The following CCDC27 variants were observed in gnomAD, a reference collection of about 807,000 sequenced individuals.
The protein encoded by CCDC27 is coiled-coil domain-containing protein 27.
In CCDC27, 80 loss-of-function variants were observed where a neutral mutation model predicts 80.3. The observed-to-expected ratio is 1.00, with a 90% CI of 0.83 to 1.20. The LOEUF (loss-of-function observed/expected upper bound fraction) is 1.20. Among genes scored for constraint, CCDC27 ranks in the 50% most tolerant of loss-of-function variants. The pLI, the probability that CCDC27 is intolerant of heterozygous loss-of-function variation, is 0.00. For missense variants in CCDC27, 815 were observed against 809.4 expected (o/e 1.01, Z -0.08); for synonymous variants, 342 against 334.3 (o/e 1.02, Z -0.25).
Position 3,762,716 on chromosome 1 carries a change from C to G in CCDC27, c.954+4C>G. 1.3e-6 allele frequency: 2 copies of G among 1,548,030 alleles called. No homozygotes were observed. Among genetic ancestry groups the G allele is most frequent in the Non-Finnish European group, 1.7e-6 (2 of 1,146,090 alleles). On this transcript the variant is annotated splice_donor_region_variant and intron_variant, in intron 6 of 11. Transcript: ENST00000294600. ...GGAGCTGCAGCACTGGTGGCAGGTG[C>G]GGGCCGCCTGGAGAGCAGGCACGCA...
intron 5 of CCDC27, among the ~76,000 whole-genome samples, chr1:3,762,232 C>T (rs545598381): frequency 2.3e-3 from 344 of 152,228 alleles, no homozygotes; most frequent in Middle Eastern, 0.017. Context: ...ACACACAGGG[C>T]GGGGGCAGGG....
At chr1:3,755,672 A>G (rs538197172) in intron 3 of CCDC27, 105 bp downstream of exon 3, 512 of 951,580 alleles carry the variant, frequency 5.4e-4, no homozygotes, top group Non-Finnish European at 7.7e-4. Context: ...CCCTCCCGGG[A>G]CTGTCTGCCT....
chr1:3,753,233 C>A (rs1422022597), intron 1 of CCDC27, among the ~76,000 whole-genome samples: 4 of 152,090 alleles, frequency 2.6e-5, no homozygotes, highest in African/African-American at 7.2e-5. Context: ...ACTGGGGGAG[C>A]CCGAGATGGT....
At chr1:3,759,743 C>G (rs1017657188) in intron 4 of CCDC27, among the ~76,000 whole-genome samples, 3 of 152,208 alleles carry the variant, frequency 2.0e-5, no homozygotes, top group Non-Finnish European at 2.9e-5. Context: ...ACTCCTGCAA[C>G]TCTACCTGTA....
At position 3,768,243 on chromosome 1, in the gene CCDC27, A is replaced by G. The variant is rs1643281075; in HGVS notation, c.1743+798A>G. ...CTCCTGAGTAGCTGGGACCACAGGC[A>G]TGTGCCACCATACCTGGCCAATTTT... is the stretch of plus-strand genomic sequence containing the variant. On this transcript the variant is annotated intron_variant, in intron 10 of 11. Transcript: ENST00000294600. This position sits in a 1 kb window ranked among gnomAD's most constrained non-coding sequence, Gnocchi z 5.6. Among the ~76,000 whole-genome samples, 1 of 152,036 alleles carries G rather than the reference A, an allele frequency of 6.6e-6. No individual in the cohort carries two copies. The highest frequency in any genetic ancestry group is 2.4e-5 in the African/African-American group (1 of 41,392).
rs773950223 is a variant in CCDC27, at chr1:3,752,655, G to A, written c.174G>A (p.Ser58=). Residue 58 remains serine (S), a synonymous_variant, in exon 1 of 12, where the codon TCG becomes TCA. Coordinates refer to ENST00000294600, the MANE Select transcript of CCDC27 (RefSeq NM_152492.3). ...CCAGCCCATCTCAGAGGCACAGTTCGATGTCCAGCTCGATGGCCAGGGCCC... is the reference window on the plus strand; with the variant it reads ...CCAGCCCATCTCAGAGGCACAGTTCAATGTCCAGCTCGATGGCCAGGGCCC... ...KEASPSQRHS[S]MSSSMARALV... 2.5e-6 allele frequency: 4 copies of A among 1,613,960 alleles called. No homozygotes were observed. The highest frequency in any genetic ancestry group is 1.3e-5 in the African/African-American group (1 of 74,950).
In CCDC27 at chr1:3,763,191, G is replaced by C; in HGVS notation, c.1038G>C (p.Glu346Asp). The C allele has an allele frequency of 1.3e-6, 2 of 1,514,814 alleles. No homozygotes were observed. Among genetic ancestry groups the C allele is most frequent in the Non-Finnish European group, 1.8e-6 (2 of 1,128,372 alleles). The allele number at this position is 1,514,814 out of a possible 1,614,324, so 93.8% of individuals were successfully genotyped here. A position where few individuals can be genotyped will look rare whatever the true frequency, so the allele number is the denominator to read the frequency against. The change falls in exon 7 of 12, where the codon GAG becomes GAC. Residue 346 changes from glutamate (E) to aspartate (D), a missense_variant. Glu to Asp is a conservative substitution (Grantham distance 45, BLOSUM62 2). Coordinates refer to ENST00000294600, the MANE Select transcript of CCDC27 (RefSeq NM_152492.3). This position sits in a 1 kb window ranked among gnomAD's most constrained non-coding sequence, Gnocchi z 7.5. ...GGEEDEGLEG[E>D]PDGVEDTGAW... The stretch of plus-strand genomic sequence containing the variant: ...AGGAGGACGAGGGCCTGGAAGGGGA[G>C]CCCGATGGGGTGGAGGACACGGGTG...
At position 3,768,314 on chromosome 1, in the gene CCDC27, C is replaced by A. The variant is rs1482471795; in HGVS notation, c.1743+869C>A. Among the ~76,000 whole-genome samples, 1 of 152,046 alleles carries A rather than the reference C, an allele frequency of 6.6e-6. No homozygotes were observed. The highest frequency in any genetic ancestry group is 1.5e-5 in the Non-Finnish European group (1 of 68,006). Reference sequence around the variant, plus strand: ...GTCTCACTATGCTGTCCAGGCTGGTCTTGAACTCCTGGGCTCCAGCAATCT... The same window carrying A: ...GTCTCACTATGCTGTCCAGGCTGGTATTGAACTCCTGGGCTCCAGCAATCT... On this transcript the variant is annotated intron_variant, in intron 10 of 11. Coordinates refer to ENST00000294600, the MANE Select transcript of CCDC27 (RefSeq NM_152492.3). The surrounding 1 kb of genome is among the most constrained non-coding windows in gnomAD (Gnocchi z 5.6).
In CCDC27 at chr1:3,763,542, C is replaced by A; in HGVS notation, c.1321+68C>A. The stretch of plus-strand genomic sequence containing the variant: ...GTTCCCGGCCCAGGAGCTGGGACGC[C>A]CAGACGCTGCCTGCTCTGGTCAGTG... On this transcript the variant is annotated intron_variant, in intron 7 of 11. Coordinates refer to ENST00000294600, the MANE Select transcript of CCDC27 (RefSeq NM_152492.3). This position sits in a 1 kb window ranked among gnomAD's most constrained non-coding sequence, Gnocchi z 7.5. 1 of 1,547,916 alleles carries A rather than the reference C, an allele frequency of 6.5e-7. No individual in the cohort carries two copies.
At chr1:3,753,783 C>A (rs1642880066) in intron 1 of CCDC27, among the ~76,000 whole-genome samples, 1 of 152,156 alleles carries the variant, frequency 6.6e-6, no homozygotes. Context: ...CTGTGACCAG[C>A]AGCATGTGTG....
chr1:3,755,622 C>A, intron 3 of CCDC27, 55 bp downstream of exon 3: 1 of 1,434,038 alleles, frequency 7.0e-7, no homozygotes, highest in Non-Finnish European at 9.8e-7. Context: ...GAGCTCGAGG[C>A]CTGCTTCTTG....
Position 3,763,391 on chromosome 1 carries a change from C to T in CCDC27, c.1238C>T (p.Ala413Val). 1.2e-6 allele frequency: 2 copies of T among 1,612,934 alleles called. No individual in the cohort carries two copies. The highest frequency in any genetic ancestry group is 3.3e-5 in the Admixed American group (2 of 59,998). The change falls in exon 7 of 12, where the codon GCC becomes GTC. Residue 413 changes from alanine (A) to valine (V), a missense_variant. Physicochemically the swap from Ala to Val is moderately conservative, Grantham distance 64. Transcript: ENST00000294600. The surrounding 1 kb of genome is among the most constrained non-coding windows in gnomAD (Gnocchi z 7.5). The part of the protein sequence containing the change: ...LAESFEEELL[A>V]QLEEYEQVIL... ...GAGTCGTTTGAGGAGGAGCTGCTGG[C>T]CCAGCTGGAGGAGTACGAGCAGGTC...
chr1:3,755,801 C>T (rs1642938720), intron 3 of CCDC27: 3 of 516,624 alleles, frequency 5.8e-6, no homozygotes, highest in Non-Finnish European at 3.5e-6. Flanking sequence ...TAGTAAAAAT[C>T]GTAGTTGAAA....
intron 8 of CCDC27, among the ~76,000 whole-genome samples, chr1:3,764,881 C>CAA (rs538945964): frequency 1.3e-5 from 2 of 151,974 alleles, no homozygotes; most frequent in Non-Finnish European, 2.9e-5. Flanking sequence ...ACTAAAAATA[C>CAA]AAAAATTAAC....
chr1:3,770,042 G>T (rs1643323541), intron 11 of CCDC27, among the ~76,000 whole-genome samples, 155 bp downstream of exon 11: 1 of 152,286 alleles, frequency 6.6e-6, no homozygotes, highest in East Asian at 1.9e-4. Context: ...CTTTCTCTCA[G>T]CTCAGGCAGA....
chr1:3,762,517 C>G (rs1174471167), intron 5 of CCDC27, 103 bp from the exon 6 acceptor site: 1 of 906,110 alleles, frequency 1.1e-6, no homozygotes, highest in Admixed American at 2.5e-5. Flanking sequence ...GGTCCCCTCC[C>G]CAGACATGAG....
chr1:3,755,788 C>G (rs1190080061), intron 3 of CCDC27: 1 of 541,116 alleles, frequency 1.8e-6, no homozygotes, highest in Non-Finnish European at 3.3e-6. Context: ...GGCCCCTTGT[C>G]TTTAGTAAAA....
At position 3,761,436 on chromosome 1, in the gene CCDC27, C is replaced by A. The variant is rs148373212; in HGVS notation, c.861+6C>A. On this transcript the variant is annotated splice_donor_region_variant and intron_variant, in intron 5 of 11. Coordinates refer to ENST00000294600, the MANE Select transcript of CCDC27 (RefSeq NM_152492.3). This position sits in a 1 kb window ranked among gnomAD's most constrained non-coding sequence, Gnocchi z 5.0. ...CCATGTCCCCAGGCAGGAGGGTGAGCCAGCCCCAGCGGGGCACAGCGCAGA... is the reference window on the plus strand; with the variant it reads ...CCATGTCCCCAGGCAGGAGGGTGAGACAGCCCCAGCGGGGCACAGCGCAGA... 831 of 1,613,034 alleles carry A rather than the reference C, an allele frequency of 5.2e-4. 6 individuals carry two copies. The East Asian group carries it at 0.015, about 29-fold the overall frequency.
In CCDC27 at chr1:3,754,190, C is replaced by A; in HGVS notation, c.391C>A (p.His131Asn). ...KMELRRVFPT[H>N]PDCPQFSTRA... The stretch of plus-strand genomic sequence containing the variant: ...GGAACTTCGAAGGGTCTTCCCCACG[C>A]ATCCTGACTGCCCCCAGTTCAGCAC... Residue 131 changes from histidine (H) to asparagine (N), a missense_variant, in exon 2 of 12, where the codon CAT becomes AAT. Coordinates refer to ENST00000294600, the MANE Select transcript of CCDC27 (RefSeq NM_152492.3). 6.2e-7 allele frequency: 1 copy of A among 1,613,704 alleles called. No individual in the cohort carries two copies. The highest frequency in any genetic ancestry group is 1.3e-5 in the African/African-American group (1 of 74,954).
Sources: allele counts gnomAD v4.1 joint callset (sites outside exome capture counted in the v4.1 genomes callset), GRCh38; gene constraint gnomAD v4.1.1; non-coding constraint Gnocchi (gnomAD v3.1); transcripts MANE v1.5; gene names NCBI Gene and HGNC (gene_info 2026-07-23, HGNC 2026-07-21).